Variants in PSMB7 observed in about 807,000 individuals in gnomAD.
The protein encoded by PSMB7 is proteasome subunit beta type-7.
In PSMB7, 5 loss-of-function variants were observed where a neutral mutation model predicts 28.1. The observed-to-expected ratio is 0.18, with a 90% CI of 0.09 to 0.37. PSMB7 has a LOEUF of 0.37. Among genes scored for constraint, PSMB7 ranks in the 10% least tolerant of loss-of-function variants. PSMB7 has a pLI of 1.00. For synonymous variants in PSMB7, 122 were observed against 123.7 expected (o/e 0.99, Z 0.09); for missense variants, 275 against 346.2 (o/e 0.79, Z 1.63).
chr9:124,407,764 A>C (rs1055467846), intron 4 of PSMB7, among the ~76,000 whole-genome samples: 2 of 152,210 alleles, frequency 1.3e-5, no homozygotes, highest in African/African-American at 2.4e-5. Context: ...TTACAACAGC[A>C]TTGTTTATGA....
At chr9:124,369,116 C>A (rs748166412) in intron 6 of PSMB7, among the ~76,000 whole-genome samples, 9 of 152,082 alleles carry the variant, frequency 5.9e-5, no homozygotes, top group Non-Finnish European at 8.8e-5. Flanking sequence ...ACAATGACGG[C>A]GAGAATGACC....
At chr9:124,355,773 G>C (rs933000390) in intron 7 of PSMB7, among the ~76,000 whole-genome samples, 3 of 152,108 alleles carry the variant, frequency 2.0e-5, no homozygotes, top group African/African-American at 2.4e-5. Context: ...CCCAACCCCA[G>C]TGCCAGCGTT....
At chr9:124,375,522 T>C (rs1984001) in intron 6 of PSMB7, among the ~76,000 whole-genome samples, 73,844 of 151,776 alleles carry the variant, frequency 0.49, 18,615 homozygotes, top group Non-Finnish European at 0.56. Context: ...AATACACATT[T>C]TTCCCCCCAG....
At chr9:124,401,817 C>T (rs1033481432) in intron 5 of PSMB7, among the ~76,000 whole-genome samples, 3 of 152,018 alleles carry the variant, frequency 2.0e-5, no homozygotes, top group South Asian at 2.1e-4. Flanking sequence ...TCAGGAGTTC[C>T]GTATCAGCCT....
chr9:124,415,281 T>C (rs899553287), intron 1 of PSMB7, 83 bp downstream of exon 1: 33 of 1,402,844 alleles, frequency 2.4e-5, no homozygotes, highest in Admixed American at 3.6e-5. Context: ...CCCTCAGAAT[T>C]CTCGTATCAC....
At chr9:124,395,522 A>AT (rs1294013939) in intron 5 of PSMB7, among the ~76,000 whole-genome samples, 1 of 152,098 alleles carries the variant, frequency 6.6e-6, no homozygotes, top group Non-Finnish European at 1.5e-5. Context: ...GTTAATTATT[A>AT]TTTTTTAAAA....
At chr9:124,404,769 C>G (rs1158335633) in intron 5 of PSMB7, among the ~76,000 whole-genome samples, 1 of 152,100 alleles carries the variant, frequency 6.6e-6, no homozygotes, top group Non-Finnish European at 1.5e-5. Context: ...AGAAGAATCA[C>G]TTGAACCCGG....
intron 5 of PSMB7, among the ~76,000 whole-genome samples, chr9:124,390,836 G>A (rs985008551): frequency 2.6e-5 from 4 of 152,140 alleles, no homozygotes; most frequent in Non-Finnish European, 4.4e-5. Context: ...CACAGTCTCC[G>A]TGTAACAGCA....
At chr9:124,404,997 T>C (rs139086427) in intron 5 of PSMB7, among the ~76,000 whole-genome samples, 3 of 152,298 alleles carry the variant, frequency 2.0e-5, no homozygotes, top group East Asian at 1.9e-4. Context: ...TGTATATTTA[T>C]ATATATTTAT....
At chr9:124,371,264 A>G (rs767891312) in intron 6 of PSMB7, among the ~76,000 whole-genome samples, 1 of 152,266 alleles carries the variant, frequency 6.6e-6, no homozygotes, top group Non-Finnish European at 1.5e-5. Context: ...GGCAAAACTT[A>G]TAAGATTCTA....
intron 5 of PSMB7, among the ~76,000 whole-genome samples, chr9:124,401,270 CACAA>C (rs1444195178): frequency 6.6e-6 from 1 of 152,226 alleles, no homozygotes; most frequent in Non-Finnish European, 1.5e-5. Context: ...GAAAGGACTA[CACAA>C]ACACCCACCA....
chr9:124,389,113 T>TA (rs1830757344), intron 5 of PSMB7, among the ~76,000 whole-genome samples: 1 of 152,230 alleles, frequency 6.6e-6, no homozygotes, highest in South Asian at 2.1e-4. Flanking sequence ...ATTTATCGCC[T>TA]AGTTTACCAT....
Position 124,356,628 on chromosome 9 carries a change from G to T in PSMB7, c.722+136C>A. 9.9e-7 allele frequency: 1 copy of T among 1,009,610 alleles called. No individual in the cohort carries two copies. Among genetic ancestry groups the T allele is most frequent in the Non-Finnish European group, 1.4e-6 (1 of 690,934 alleles). 62.5% of individuals were successfully genotyped at this position (1,009,610 alleles called of 1,614,324 possible). On this transcript the variant is annotated intron_variant, in intron 7 of 7. Coordinates refer to ENST00000259457, the MANE Select transcript of PSMB7 (RefSeq NM_002799.4). This position sits in a 1 kb window ranked among gnomAD's most constrained non-coding sequence, Gnocchi z 4.4. The stretch of plus-strand genomic sequence containing the variant: ...AGCAAGTAACAAGCCGAAGGTCTGT[G>T]TGGGAGGTTGATTTGGGAACACTGG...
At chr9:124,364,524 GAAAAAA>G (rs10595510) in intron 6 of PSMB7, among the ~76,000 whole-genome samples, 16 of 132,128 alleles carry the variant, frequency 1.2e-4, no homozygotes, top group African/African-American at 2.8e-4. Flanking sequence ...TGTAATCAGA[GAAAAAA>G]AAAAAAAAAA....
At chr9:124,378,738 T>G (rs148936106) in intron 6 of PSMB7, among the ~76,000 whole-genome samples, 124 of 152,362 alleles carry the variant, frequency 8.1e-4, no homozygotes, top group African/African-American at 2.9e-3. Flanking sequence ...ACCTACATTA[T>G]CGGATTCATT....
chr9:124,407,832 C>G (rs1453951589), intron 4 of PSMB7, among the ~76,000 whole-genome samples: 3 of 152,050 alleles, frequency 2.0e-5, no homozygotes, highest in Non-Finnish European at 2.9e-5. Context: ...AACTGTACAA[C>G]AGAACATCAC....
In PSMB7 at chr9:124,410,370, A is replaced by G. The variant is rs138452090; in HGVS notation, c.395+1982T>C. 3.7e-3 allele frequency among the ~76,000 whole-genome samples: 568 copies of G among 152,346 alleles called. 3 individuals are homozygous for G. The highest frequency in any genetic ancestry group is 0.012 in the African/African-American group (514 of 41,572). ...TAGATTTTTTTGCTAATTGTTTTAAATGACATTACAAAGAATCTTGAAACA... is the reference window on the plus strand; with the variant it reads ...TAGATTTTTTTGCTAATTGTTTTAAGTGACATTACAAAGAATCTTGAAACA... On this transcript the variant is annotated intron_variant, in intron 4 of 7. Coordinates refer to ENST00000259457, the MANE Select transcript of PSMB7 (RefSeq NM_002799.4).
intron 6 of PSMB7, among the ~76,000 whole-genome samples, chr9:124,360,993 A>C (rs891646035): frequency 7.2e-5 from 11 of 152,234 alleles, no homozygotes; most frequent in African/African-American, 2.7e-4. Context: ...GCCTATACCA[A>C]ACCCCAGGCC....
chr9:124,382,169 C>T (rs1004566920), intron 6 of PSMB7, among the ~76,000 whole-genome samples: 2 of 138,358 alleles, frequency 1.4e-5, no homozygotes. Context: ...GCCTGGATGA[C>T]AGAGTGAGAC....
Sources: allele counts gnomAD v4.1 joint callset (sites outside exome capture counted in the v4.1 genomes callset), GRCh38; gene constraint gnomAD v4.1.1; non-coding constraint Gnocchi (gnomAD v3.1); transcripts MANE v1.5; gene names NCBI Gene and HGNC (gene_info 2026-07-23, HGNC 2026-07-21).